Variants in ARRDC4 observed in about 807,000 individuals in gnomAD.
The protein encoded by ARRDC4 is arrestin domain containing 4.
ARRDC4 carries 40 observed loss-of-function variants against 44.6 expected under a neutral mutation model. The observed-to-expected ratio is 0.90, with a 90% CI of 0.70 to 1.17. The LOEUF is 1.17. ARRDC4 is among the 50% of genes most tolerant of loss of function. ARRDC4 has a pLI of 0.00. For missense variants in ARRDC4, 550 were observed against 559.1 expected (o/e 0.98, Z 0.16); for synonymous variants, 211 against 221.2 (o/e 0.95, Z 0.41).
chr15:97,969,886 T>C lies in ARRDC4; in HGVS notation c.886T>C (p.Tyr296His), dbSNP rs1166066410. The change falls in exon 6 of 8, where the codon TAC becomes CAC. Residue 296 changes from tyrosine (Y) to histidine (H), a missense_variant. Tyr to His is a moderately conservative substitution (Grantham distance 83). Transcript: ENST00000268042. ...IIRVDYSLAV[Y>H]IHIPGAKKLM... ...TTTTTTTTTTTTGGCTTATTAGGTA[T>C]ACATTCACATTCCTGGTGCTAAAAA... 6.3e-7 allele frequency: 1 copy of C among 1,583,706 alleles called. No homozygotes were observed. Among genetic ancestry groups the C allele is most frequent in the African/African-American group, 1.4e-5 (1 of 73,484 alleles).
In ARRDC4 at chr15:97,972,954, ACT is replaced by A. The variant is rs764223017; in HGVS notation, c.*1768_*1769del. On this transcript the variant is annotated 3_prime_UTR_variant, in exon 8 of 8. Transcript: ENST00000268042. This position sits in a 1 kb window ranked among gnomAD's most constrained non-coding sequence, Gnocchi z 5.3. ...GCTATTTAAATTCCCACAATGCAAAACTGTTAGACCAGTAATTGTGCTACTGA... is the reference window on the plus strand; with the variant it reads ...GCTATTTAAATTCCCACAATGCAAAAGTTAGACCAGTAATTGTGCTACTGA... The A allele has an allele frequency of 3.9e-5, 6 of 152,554 alleles. No individual in the cohort carries two copies. The highest frequency in any genetic ancestry group is 7.4e-5 in the Non-Finnish European group (5 of 68,016). The allele number at this position is 152,554 out of a possible 1,614,324, so 9.5% of individuals were successfully genotyped here. A position where few individuals can be genotyped will look rare whatever the true frequency, so the allele number is the denominator to read the frequency against.
Position 97,968,208 on chromosome 15 carries a change from ATGACGTG to A in ARRDC4, c.625+94_625+100del. On this transcript the variant is annotated intron_variant, in intron 4 of 7. Coordinates refer to ENST00000268042, the MANE Select transcript of ARRDC4 (RefSeq NM_183376.3). This position sits in a 1 kb window ranked among gnomAD's most constrained non-coding sequence, Gnocchi z 5.4. The stretch of plus-strand genomic sequence containing the variant: ...TTTAAATAGTGTTTTTTGTAATTAT[ATGACGTG>A]TATAGTATTTTAAAACATGAATAGT... The A allele has an allele frequency of 1.5e-6, 1 of 688,314 alleles. No homozygotes were observed. Among genetic ancestry groups the A allele is most frequent in the Non-Finnish European group, 2.3e-6 (1 of 440,462 alleles). 42.6% of individuals were successfully genotyped at this position (688,314 alleles called of 1,614,324 possible).
chr15:97,961,203 A>G (rs992062272), intron 1 of ARRDC4, 35 bp downstream of exon 1: 3 of 1,369,096 alleles, frequency 2.2e-6, no homozygotes, highest in Non-Finnish European at 1.9e-6. Context: ...TTCCCCCGCC[A>G]GGCTGCGGGG....
rs556598670 is a variant in ARRDC4 at position 97,970,629 on chromosome 15, C to G, written c.1086C>G (p.Phe362Leu). The G allele has an allele frequency of 6.8e-6, 11 of 1,613,178 alleles. No individual in the cohort carries two copies. Among genetic ancestry groups the G allele is most frequent in the Non-Finnish European group, 8.5e-6 (10 of 1,179,452 alleles). ...CAGATGTGGTATCAGAGGAAGAATT[C>G]TCTAGACACATTCCTCCTTACCCTC... ...NYADVVSEEE[F>L]SRHIPPYPQP... Residue 362 changes from phenylalanine (F) to leucine (L), a missense_variant, in exon 7 of 8, where the codon TTC becomes TTG. Transcript: ENST00000268042. The surrounding 1 kb of genome is among the most constrained non-coding windows in gnomAD (Gnocchi z 4.2).
chr15:97,968,506 G>C lies in ARRDC4; in HGVS notation c.625+390G>C, dbSNP rs1899456339. ...TGGCTTGATATATGCAAATGCATGG[G>C]ACTGGAATGTAGTGTATTAACAAAC... On this transcript the variant is annotated intron_variant, in intron 4 of 7. Transcript: ENST00000268042. The surrounding 1 kb of genome is among the most constrained non-coding windows in gnomAD (Gnocchi z 5.4). Among the ~76,000 whole-genome samples, 1 of 152,202 alleles carries C rather than the reference G, an allele frequency of 6.6e-6. No homozygotes were observed. Among genetic ancestry groups the C allele is most frequent in the African/African-American group, 2.4e-5 (1 of 41,450 alleles).
chr15:97,967,972 A>C lies in ARRDC4; in HGVS notation c.523-42A>C. 1 of 1,310,078 alleles carries C rather than the reference A, an allele frequency of 7.6e-7. No individual in the cohort carries two copies. The highest frequency in any genetic ancestry group is 1.1e-6 in the Non-Finnish European group (1 of 925,518). 81.2% of individuals were successfully genotyped at this position (1,310,078 alleles called of 1,614,324 possible). ...ATTTTAAGTTCTATGAGTTCTCTAGAGTGGCTTAATTAAGGTTGTTTTATT... is the reference window on the plus strand; with the variant it reads ...ATTTTAAGTTCTATGAGTTCTCTAGCGTGGCTTAATTAAGGTTGTTTTATT... On this transcript the variant is annotated intron_variant, in intron 3 of 7. Transcript: ENST00000268042. The surrounding 1 kb of genome is among the most constrained non-coding windows in gnomAD (Gnocchi z 5.0).
rs374919516 is a variant in ARRDC4, at chr15:97,970,498, C to A, written c.1046-91C>A. On this transcript the variant is annotated intron_variant, in intron 6 of 7. Transcript: ENST00000268042. The surrounding 1 kb of genome is among the most constrained non-coding windows in gnomAD (Gnocchi z 4.2). Reference sequence around the variant, plus strand: ...GAAAGAATGCCATATTTTTTATCTTCAAGTTTAGCTGTTTCTTGTTTTTGT... The same window carrying A: ...GAAAGAATGCCATATTTTTTATCTTAAAGTTTAGCTGTTTCTTGTTTTTGT... The A allele has an allele frequency of 1.5e-6, 2 of 1,334,280 alleles. No homozygotes were observed. The highest frequency in any genetic ancestry group is 2.1e-6 in the Non-Finnish European group (2 of 973,036). The allele number at this position is 1,334,280 out of a possible 1,614,324, so 82.7% of individuals were successfully genotyped here.
Position 97,965,686 on chromosome 15 carries a change from T to A in ARRDC4, c.374+20T>A. ...ATCTGAGTAAGTGAAACACTACAAT[T>A]TTGTGGTTATCCTTCTCTGCAGTAT... is the stretch of plus-strand genomic sequence containing the variant. On this transcript the variant is annotated intron_variant, in intron 2 of 7. Coordinates refer to ENST00000268042, the MANE Select transcript of ARRDC4 (RefSeq NM_183376.3). The surrounding 1 kb of genome is among the most constrained non-coding windows in gnomAD (Gnocchi z 5.1). The A allele has an allele frequency of 6.2e-7, 1 of 1,606,506 alleles. No homozygotes were observed. Among genetic ancestry groups the A allele is most frequent in the Non-Finnish European group, 8.5e-7 (1 of 1,173,132 alleles).
intron 5 of ARRDC4, 30 bp from the exon 6 acceptor site, chr15:97,969,849 CCTTT>C (rs760366330): frequency 1.1e-5 from 17 of 1,485,372 alleles, no homozygotes; most frequent in South Asian, 5.0e-5. Context: ...TACATTTGTT[CCTTT>C]CTCTTTTTTT....
In ARRDC4 at chr15:97,971,292, T is replaced by A; in HGVS notation, c.*105T>A. ...GGAAAGATTCACTTGAAAACATAAA[T>A]GAACGTCAAGACTGAAGGCAATAGA... On this transcript the variant is annotated 3_prime_UTR_variant, in exon 8 of 8. Coordinates refer to ENST00000268042, the MANE Select transcript of ARRDC4 (RefSeq NM_183376.3). 8.4e-7 allele frequency: 1 copy of A among 1,186,820 alleles called. No individual in the cohort carries two copies. The highest frequency in any genetic ancestry group is 1.9e-5 in the Admixed American group (1 of 53,522). The allele number at this position is 1,186,820 out of a possible 1,614,324, so 73.5% of individuals were successfully genotyped here.
At position 97,967,848 on chromosome 15, in the gene ARRDC4, G is replaced by T. The variant is rs1221697876; in HGVS notation, c.523-166G>T. Among the ~76,000 whole-genome samples the T allele has an allele frequency of 6.6e-6, 1 of 152,002 alleles. No homozygotes were observed. The highest frequency in any genetic ancestry group is 1.5e-5 in the Non-Finnish European group (1 of 67,976). On this transcript the variant is annotated intron_variant, in intron 3 of 7. Transcript: ENST00000268042. The surrounding 1 kb of genome is among the most constrained non-coding windows in gnomAD (Gnocchi z 5.0). The stretch of plus-strand genomic sequence containing the variant: ...TAAAAGGGGAGTCTTAACACCCTGT[G>T]TTTTTGTGCATATTTGGCCTAATAT...
At position 97,969,998 on chromosome 15, in the gene ARRDC4, G is replaced by T; in HGVS notation, c.998G>T (p.Ser333Ile). ...AACTCCAGCATTGCCAGCCAGTTCA[G>T]TATGGATATGAGCTGGTTGACACTG... The part of the protein sequence containing the change: ...SRNSSIASQF[S>I]MDMSWLTLTL... The change falls in exon 6 of 8, where the codon AGT becomes ATT. Residue 333 changes from serine to isoleucine, a missense_variant. Coordinates refer to ENST00000268042, the MANE Select transcript of ARRDC4 (RefSeq NM_183376.3). 6.2e-7 allele frequency: 1 copy of T among 1,613,316 alleles called. No homozygotes were observed. The highest frequency in any genetic ancestry group is 8.5e-7 in the Non-Finnish European group (1 of 1,179,538).
chr15:97,967,698 C>T lies in ARRDC4; in HGVS notation c.523-316C>T, dbSNP rs28369223. On this transcript the variant is annotated intron_variant, in intron 3 of 7. Coordinates refer to ENST00000268042, the MANE Select transcript of ARRDC4 (RefSeq NM_183376.3). The surrounding 1 kb of genome is among the most constrained non-coding windows in gnomAD (Gnocchi z 5.0). ...AATAATTCTGTCATGTTTATAAGTC[C>T]TAATACAGCTTTTGATTTTTTTTTA... Among the ~76,000 whole-genome samples, 28 of 151,658 alleles carry T rather than the reference C, an allele frequency of 1.8e-4. No individual in the cohort carries two copies. Among genetic ancestry groups the T allele is most frequent in the Admixed American group, 3.3e-4 (5 of 15,232 alleles).
Position 97,970,801 on chromosome 15 carries a change from T to C in ARRDC4, c.1200+58T>C. On this transcript the variant is annotated intron_variant, in intron 7 of 7. Transcript: ENST00000268042. The surrounding 1 kb of genome is among the most constrained non-coding windows in gnomAD (Gnocchi z 4.2). ...TGTATTATTTTCAAATAATCATTTT[T>C]TGTCATCCGTTCATTAGAGTGTCTG... is the stretch of plus-strand genomic sequence containing the variant. 6.5e-7 allele frequency: 1 copy of C among 1,528,560 alleles called. No homozygotes were observed. The highest frequency in any genetic ancestry group is 8.9e-7 in the Non-Finnish European group (1 of 1,117,468). 94.7% of individuals were successfully genotyped at this position (1,528,560 alleles called of 1,614,324 possible). A position where few individuals can be genotyped will look rare whatever the true frequency, so the allele number is the denominator to read the frequency against.
chr15:97,964,930 G>T (rs1322949338), intron 1 of ARRDC4, among the ~76,000 whole-genome samples: 1 of 151,930 alleles, frequency 6.6e-6, no homozygotes, highest in Admixed American at 6.6e-5. Context: ...TTAGTTTTTG[G>T]TCCAATTTAA....
chr15:97,962,027 C>T (rs1387974039), intron 1 of ARRDC4, among the ~76,000 whole-genome samples: 2 of 152,200 alleles, frequency 1.3e-5, no homozygotes, highest in Non-Finnish European at 2.9e-5. Flanking sequence ...ATACTAAGAA[C>T]CATGAGTCTT....
In ARRDC4 at chr15:97,968,332, T is replaced by A. The variant is rs115391762; in HGVS notation, c.625+216T>A. 0.01 allele frequency among the ~76,000 whole-genome samples: 1,533 copies of A among 152,278 alleles called. 16 individuals carry two copies. Among genetic ancestry groups the A allele is most frequent in the African/African-American group, 0.034 (1,422 of 41,534 alleles). On this transcript the variant is annotated intron_variant, in intron 4 of 7. Transcript: ENST00000268042. This position sits in a 1 kb window ranked among gnomAD's most constrained non-coding sequence, Gnocchi z 5.4. The stretch of plus-strand genomic sequence containing the variant: ...ACTCCTGTTTTTTTTCTGACTTCAA[T>A]CCTGTTACTTTAGTAACAAAGAGTA...
rs914110284 is a variant in ARRDC4, at chr15:97,969,773, G to A, written c.883-110G>A. On this transcript the variant is annotated intron_variant, in intron 5 of 7. Transcript: ENST00000268042. Reference sequence around the variant, plus strand: ...GAGAATTGTGATGGGGGTGGTGGCAGCCGACAAAAGCATTTGTTTCTATGA... The same window carrying A: ...GAGAATTGTGATGGGGGTGGTGGCAACCGACAAAAGCATTTGTTTCTATGA... 8.8e-5 allele frequency: 88 copies of A among 1,004,356 alleles called. No individual in the cohort carries two copies. In the African/African-American group the frequency reaches 1.4e-3, roughly 16 times the overall value. 62.2% of individuals were successfully genotyped at this position (1,004,356 alleles called of 1,614,324 possible).
intron 1 of ARRDC4, among the ~76,000 whole-genome samples, chr15:97,963,936 C>T (rs933716027): frequency 6.6e-6 from 1 of 152,176 alleles, no homozygotes; most frequent in African/African-American, 2.4e-5. Context: ...CTGGTCCCTG[C>T]TCTGCTGCTA....
Sources: allele counts gnomAD v4.1 joint callset (sites outside exome capture counted in the v4.1 genomes callset), GRCh38; gene constraint gnomAD v4.1.1; non-coding constraint Gnocchi (gnomAD v3.1); transcripts MANE v1.5; gene names NCBI Gene and HGNC (gene_info 2026-07-23, HGNC 2026-07-21).